MED13: variants seen among roughly 807,000 people sequenced by gnomAD.
MED13 encodes mediator complex subunit 13, also known as mediator of RNA polymerase II transcription subunit 13.
A neutral mutation model predicts 225.2 loss-of-function variants in MED13; 23 were observed. The ratio of observed to expected loss-of-function variants is 0.10; its 90% confidence interval spans 0.07 to 0.14. The LOEUF is 0.14. Among genes scored for constraint, MED13 ranks in the 10% least tolerant of loss-of-function variants. The pLI, the probability that MED13 is intolerant of heterozygous loss-of-function variation, is 1.00. For missense variants in MED13, 2,197 were observed against 2,594.5 expected, an observed-to-expected ratio of 0.85 and a Z score of 3.33; for synonymous variants, 942 against 889.2, an observed-to-expected ratio of 1.06 and a Z score of -1.06.
chr17:62,019,946 G>A (rs984324902), intron 8 of MED13, among the ~76,000 whole-genome samples: 4 of 151,868 alleles, frequency 2.6e-5, no homozygotes, highest in African/African-American at 9.7e-5. Flanking sequence ...CGGTTTCACT[G>A]CGTTAGCCAG....
At chr17:62,064,797 G>A (rs984681353) in intron 1 of MED13, among the ~76,000 whole-genome samples, 3 of 152,194 alleles carry the variant, frequency 2.0e-5, no homozygotes, top group Non-Finnish European at 2.9e-5. Flanking sequence ...GTGAAGCAGG[G>A]ATACAGGGCC....
intron 19 of MED13, among the ~76,000 whole-genome samples, 186 bp from the exon 20 acceptor site, chr17:61,965,654 T>C (rs2080051619): frequency 1.3e-5 from 2 of 152,068 alleles, no homozygotes; most frequent in Non-Finnish European, 2.9e-5. Context: ...AAGAAACATA[T>C]TTAAAATGGA....
Position 61,987,082 on chromosome 17 carries a change from C to A in MED13, c.2310G>T (p.Leu770Phe). 1 of 1,608,468 alleles carries A rather than the reference C, an allele frequency of 6.2e-7. No individual in the cohort carries two copies. Among genetic ancestry groups the A allele is most frequent in the South Asian group, 1.1e-5 (1 of 90,292 alleles). ...TSHARPPSTS[L>F]IYDSDLAVSY... is the part of the protein sequence containing the mutation. ...AGACAGCCAGGTCTGAGTCATAAAT[C>A]AAACTTGTTGATGGAGGACGGGCAT... Residue 770 changes from leucine to phenylalanine, a missense_variant, in exon 12 of 30, where the codon TTG (leucine) becomes TTT (phenylalanine). By Grantham distance (22) the Leu-to-Phe change is conservative (BLOSUM62 0). This residue lies in a region of MED13 where 884 missense variants were observed against 918.5 expected (regional missense o/e 0.96). Coordinates refer to ENST00000397786, the MANE Select transcript of MED13 (RefSeq NM_005121.3).
intron 3 of MED13, among the ~76,000 whole-genome samples, chr17:62,048,974 G>A (rs992942185): frequency 2.0e-5 from 3 of 150,710 alleles, no homozygotes; most frequent in Admixed American, 6.6e-5. Context: ...GCAATTCTGC[G>A]GTTTGACTCA....
At chr17:61,949,689 T>TG (rs951104970) in intron 28 of MED13, among the ~76,000 whole-genome samples, 9 of 152,168 alleles carry the variant, frequency 5.9e-5, no homozygotes, top group African/African-American at 2.2e-4. Flanking sequence ...TAAATCTTTT[T>TG]TTTGTTTGTT....
At chr17:61,969,534 TA>T (rs1394383744) in intron 17 of MED13, among the ~76,000 whole-genome samples, 2 of 151,980 alleles carry the variant, frequency 1.3e-5, no homozygotes, top group African/African-American at 4.8e-5. Context: ...TAATATAATT[TA>T]AAAAATAGAA....
chr17:61,950,735 C>G, intron 28 of MED13, 90 bp downstream of exon 28: 1 of 1,307,238 alleles, frequency 7.6e-7, no homozygotes, highest in Non-Finnish European at 1.1e-6. Flanking sequence ...CTTAGACAAG[C>G]TATAAGACTT....
chr17:62,007,578 G>A (rs1421097486), intron 9 of MED13: 1 of 152,282 alleles, frequency 6.6e-6, no homozygotes, highest in African/African-American at 2.4e-5. Context: ...GCCGGGCGTG[G>A]TGGTTCACGC....
In MED13 at chr17:61,943,158, A is replaced by T. The variant is rs924051910; in HGVS notation, c.*3310T>A. On this transcript the variant is annotated 3_prime_UTR_variant, in exon 30 of 30. Coordinates refer to ENST00000397786, the MANE Select transcript of MED13 (RefSeq NM_005121.3). The stretch of plus-strand genomic sequence containing the variant: ...ATTTCTGGAGGGGTGGGACAAAATA[A>T]GAATGTATATTAAAAACATTTTTCC... 6.6e-6 allele frequency: 1 copy of T among 152,548 alleles called. No homozygotes were observed. The highest frequency in any genetic ancestry group is 2.4e-5 in the African/African-American group (1 of 41,462). The allele number at this position is 152,548 out of a possible 1,614,324, so 9.4% of individuals were successfully genotyped here.
chr17:62,051,606 C>T (rs1374544251), intron 3 of MED13, among the ~76,000 whole-genome samples: 1 of 151,852 alleles, frequency 6.6e-6, no homozygotes, highest in Non-Finnish European at 1.5e-5. Context: ...ATCTACTCAT[C>T]CAGTCTTACT....
At chr17:62,010,139 T>C (rs2080492270) in intron 9 of MED13, among the ~76,000 whole-genome samples, 1 of 151,838 alleles carries the variant, frequency 6.6e-6, no homozygotes, top group Non-Finnish European at 1.5e-5. Flanking sequence ...GGAGGGTCGC[T>C]TGAACCCAGA....
intron 8 of MED13, among the ~76,000 whole-genome samples, chr17:62,016,172 C>CAAA (rs200481227): frequency 8.5e-5 from 11 of 130,068 alleles, no homozygotes; most frequent in African/African-American, 3.8e-4. Flanking sequence ...AAACCAAGAA[C>CAAA]AACAACAAAA....
chr17:62,000,525 C>T (rs1317932230), intron 9 of MED13, among the ~76,000 whole-genome samples: 2 of 152,150 alleles, frequency 1.3e-5, no homozygotes, highest in Non-Finnish European at 2.9e-5. Context: ...AATCTCTCTC[C>T]TTCAAGATAA....
chr17:61,950,663 C>T (rs990452166), intron 28 of MED13, among the ~76,000 whole-genome samples, 162 bp downstream of exon 28: 1 of 152,162 alleles, frequency 6.6e-6, no homozygotes, highest in Admixed American at 6.6e-5. Context: ...GCATTACAGG[C>T]GTGAGCCACC....
At chr17:61,952,599 A>G (rs986436877) in intron 27 of MED13, among the ~76,000 whole-genome samples, 7 of 152,236 alleles carry the variant, frequency 4.6e-5, no homozygotes, top group Admixed American at 4.6e-4. Flanking sequence ...AAATGCATGA[A>G]TGTACTGTTA....
In MED13 at chr17:62,024,020, T is replaced by C. The variant is rs60626564; in HGVS notation, c.1283+5521A>G. 2.3e-3 allele frequency among the ~76,000 whole-genome samples: 316 copies of C among 136,478 alleles called. 8 individuals are homozygous for C. The East Asian group carries it at 0.075, about 32-fold the overall frequency. The allele number at this position is 136,478 out of a possible 152,430, so 89.5% of individuals were successfully genotyped here. ...AAATTTCTGAAAATACTTTTAAAAA[T>C]GACTTTTTTTTTTTTGAGACGGAGT... On this transcript the variant is annotated intron_variant, in intron 8 of 29. Coordinates refer to ENST00000397786, the MANE Select transcript of MED13 (RefSeq NM_005121.3).
At position 62,044,212 on chromosome 17, in the gene MED13, T is replaced by C. The variant is rs887297622; in HGVS notation, c.470+8325A>G. ...AGCTTTATGGGTGAAATTTAAAGCA[T>C]ATTCTTTCATTTACTTCCTTAAAAA... On this transcript the variant is annotated intron_variant, in intron 3 of 29. Coordinates refer to ENST00000397786, the MANE Select transcript of MED13 (RefSeq NM_005121.3). Among the ~76,000 whole-genome samples the C allele has an allele frequency of 2.0e-5, 3 of 151,928 alleles. 1 individual carries two copies. In the East Asian group the frequency reaches 5.8e-4, roughly 29 times the overall value.
chr17:61,964,384 C>A (rs536902005), intron 20 of MED13, among the ~76,000 whole-genome samples: 16 of 151,968 alleles, frequency 1.1e-4, no homozygotes, highest in Non-Finnish European at 1.3e-4. Flanking sequence ...CCAGCCAGGG[C>A]AACAGGGTGA....
At chr17:62,024,736 C>G (rs1160387923) in intron 8 of MED13, among the ~76,000 whole-genome samples, 1 of 152,170 alleles carries the variant, frequency 6.6e-6, no homozygotes, top group Admixed American at 6.6e-5. Context: ...TTCTTTGTGT[C>G]CATGAGTTCT....
Sources: gnomAD v4.1 joint callset for allele counts (sites outside exome capture counted in the v4.1 genomes callset) on GRCh38, gnomAD v4.1.1 for gene constraint, gnomAD v4.1.1 regional missense constraint, MANE v1.5 for transcripts, NCBI Gene and HGNC (gene_info 2026-07-23, HGNC 2026-07-21) for gene names.